The following SNX9 variants were observed in gnomAD, a reference collection of about 807,000 sequenced individuals.
The protein encoded by SNX9 is sorting nexin 9, also known as sorting nexin-9.
Under a neutral mutation model 89.4 loss-of-function variants are expected in SNX9, and 44 were observed. The ratio of observed to expected loss-of-function variants is 0.49; its 90% CI spans 0.39 to 0.63. SNX9 has a LOEUF of 0.63. SNX9 is among the 30% of genes least tolerant of loss of function. The probability of loss-of-function intolerance (pLI) is 0.00; values close to 1 mark genes in which losing one functional copy is unlikely to be tolerated. For synonymous variants in SNX9, 236 were observed against 247.8 expected (o/e 0.95, Z 0.45); for missense variants, 578 against 736.1 (o/e 0.79, Z 2.49).
chr6:157,834,161 T>TTTTTG (rs1781532102), intron 1 of SNX9, among the ~76,000 whole-genome samples: 1 of 99,542 alleles, frequency 1.0e-5, no homozygotes, highest in African/African-American at 4.7e-5. Context: ...TTTTTTTTTT[T>TTTTTG]TTTTTTTTTT....
At chr6:157,826,823 T>C (rs1334300323) in intron 1 of SNX9, among the ~76,000 whole-genome samples, 1 of 105,016 alleles carries the variant, frequency 9.5e-6, no homozygotes, top group African/African-American at 4.8e-5. Flanking sequence ...TAAATATATA[T>C]TATATTTTAT....
At chr6:157,921,359 T>G (rs1783577243) in intron 9 of SNX9, among the ~76,000 whole-genome samples, 172 bp from the exon 10 acceptor site, 1 of 152,228 alleles carries the variant, frequency 6.6e-6, no homozygotes, top group South Asian at 2.1e-4. Context: ...CTTTGAGCAT[T>G]CGTTGTGTTG....
Position 157,823,369 on chromosome 6 carries a change from G to A in SNX9, c.-66G>A. The A allele has an allele frequency of 7.9e-7, 1 of 1,263,358 alleles. No homozygotes were observed. The highest frequency in any genetic ancestry group is 1.9e-5 in the South Asian group (1 of 51,834). The allele number at this position is 1,263,358 out of a possible 1,614,324, so 78.3% of individuals were successfully genotyped here. On this transcript the variant is annotated 5_prime_UTR_variant, in exon 1 of 18. Transcript: ENST00000392185. The surrounding 1 kb of genome is among the most constrained non-coding windows in gnomAD (Gnocchi z 4.6). ...CCTCGCCCTTGCCTTTGCCTGCGCGGCTCAGAATCACCATCCGCGGCGCGG... is the reference window on the plus strand; with the variant it reads ...CCTCGCCCTTGCCTTTGCCTGCGCGACTCAGAATCACCATCCGCGGCGCGG...
rs1191289666 is a variant in SNX9, at chr6:157,823,760, G to A, written c.12+314G>A. ...GGGCTGCGGCGGGCTCGCCGGGAGG[G>A]GCCGCGGGACGGAAACTTCCCGCAG... is the stretch of plus-strand genomic sequence containing the variant. On this transcript the variant is annotated intron_variant, in intron 1 of 17. Coordinates refer to ENST00000392185, the MANE Select transcript of SNX9 (RefSeq NM_016224.5). The surrounding 1 kb of genome is among the most constrained non-coding windows in gnomAD (Gnocchi z 4.6). Among the ~76,000 whole-genome samples the A allele has an allele frequency of 2.0e-5, 3 of 152,016 alleles. No homozygotes were observed. The highest frequency in any genetic ancestry group is 6.5e-5 in the Admixed American group (1 of 15,268).
At position 157,942,806 on chromosome 6, in the gene SNX9, A is replaced by G; in HGVS notation, c.1756A>G (p.Arg586Gly). The change falls in exon 18 of 18, where the codon AGG becomes GGG. Residue 586 changes from arginine (R) to glycine (G), a missense_variant. Transcript: ENST00000392185. ...QFYETIAEKL[R>G]QALSRFPVM ...TTCTTGTCAGATTGCAGAAAAGCTG[A>G]GGCAGGCCCTCAGCCGCTTTCCAGT... 1.2e-6 allele frequency: 2 copies of G among 1,614,054 alleles called. No homozygotes were observed. Among genetic ancestry groups the G allele is most frequent in the South Asian group, 1.1e-5 (1 of 91,014 alleles).
chr6:157,911,081 C>T (rs1783332619), intron 9 of SNX9, among the ~76,000 whole-genome samples: 1 of 151,796 alleles, frequency 6.6e-6, no homozygotes, highest in South Asian at 2.1e-4. Context: ...CCACCGCACT[C>T]CAGCCCAGGC....
intron 12 of SNX9, among the ~76,000 whole-genome samples, chr6:157,929,959 T>C (rs536237303): frequency 1.0e-3 from 152 of 152,368 alleles, no homozygotes; most frequent in Non-Finnish European, 6.8e-4. Flanking sequence ...TAAAGTTTTA[T>C]TGGAACACAC....
intron 1 of SNX9, among the ~76,000 whole-genome samples, chr6:157,863,340 G>A (rs3805765): frequency 0.13 from 19,175 of 152,246 alleles, 1,964 homozygotes; most frequent in African/African-American, 0.28. Flanking sequence ...TCTAGTGTCT[G>A]GAGCATTGAA....
At chr6:157,828,097 C>A (rs1439145523) in intron 1 of SNX9, among the ~76,000 whole-genome samples, 1 of 152,102 alleles carries the variant, frequency 6.6e-6, no homozygotes. Context: ...ATAGAAATAT[C>A]TTTCTAACAG....
At chr6:157,934,937 T>C (rs2115213876) in intron 13 of SNX9, among the ~76,000 whole-genome samples, 2 of 152,258 alleles carry the variant, frequency 1.3e-5, no homozygotes, top group Admixed American at 1.3e-4. Flanking sequence ...AAGACTTAGA[T>C]ACCAATTGGA....
chr6:157,825,854 G>C (rs1255979543), intron 1 of SNX9, among the ~76,000 whole-genome samples: 1 of 152,094 alleles, frequency 6.6e-6, no homozygotes, highest in Non-Finnish European at 1.5e-5. Context: ...GAGTAGTTGT[G>C]TTTTTTCTTT....
At chr6:157,893,538 A>G (rs1416178794) in intron 4 of SNX9, among the ~76,000 whole-genome samples, 3 of 151,958 alleles carry the variant, frequency 2.0e-5, no homozygotes, top group African/African-American at 7.3e-5. Flanking sequence ...CTACAACATT[A>G]GGGGCTATAT....
intron 9 of SNX9, among the ~76,000 whole-genome samples, chr6:157,919,880 T>C (rs997742834): frequency 6.7e-6 from 1 of 149,706 alleles, no homozygotes; most frequent in African/African-American, 2.5e-5. Flanking sequence ...TTGTTGTTTC[T>C]GCTTTTTATT....
rs76347872 is a variant in SNX9 at position 157,926,946 on chromosome 6, G to A, written c.1081-165G>A. 5.8e-3 allele frequency among the ~76,000 whole-genome samples: 882 copies of A among 152,142 alleles called. 6 individuals are homozygous for A. Among genetic ancestry groups the A allele is most frequent in the Non-Finnish European group, 8.0e-3 (545 of 68,004 alleles). ...CTGTTCATGCCCTGAGATTACATTCGGAGTATAAAGGTATTTAGTCCATGG... is the reference window on the plus strand; with the variant it reads ...CTGTTCATGCCCTGAGATTACATTCAGAGTATAAAGGTATTTAGTCCATGG... On this transcript the variant is annotated intron_variant, in intron 10 of 17. Transcript: ENST00000392185.
At chr6:157,939,420 A>G (rs1401607674) in intron 16 of SNX9, among the ~76,000 whole-genome samples, 1 of 136,450 alleles carries the variant, frequency 7.3e-6, no homozygotes, top group Non-Finnish European at 1.6e-5. Flanking sequence ...AGCCATTAAA[A>G]GGGAGTAAAA....
chr6:157,904,296 C>T (rs1340340317), intron 6 of SNX9, among the ~76,000 whole-genome samples: 1 of 151,956 alleles, frequency 6.6e-6, no homozygotes, highest in Admixed American at 6.6e-5. Flanking sequence ...AGTAGCTGGG[C>T]GTGGTGGCAC....
intron 1 of SNX9, among the ~76,000 whole-genome samples, chr6:157,859,598 T>G (rs1233344033): frequency 1.3e-5 from 2 of 152,234 alleles, no homozygotes; most frequent in Non-Finnish European, 2.9e-5. Context: ...GTTACTTTCG[T>G]ATATAATACT....
At chr6:157,927,879 C>CT (rs1362891414) in intron 11 of SNX9, among the ~76,000 whole-genome samples, 18 of 151,634 alleles carry the variant, frequency 1.2e-4, no homozygotes, top group African/African-American at 4.1e-4. Context: ...TAATTTTAAG[C>CT]TTTGTTATCA....
chr6:157,938,375 G>A (rs1407544031), intron 15 of SNX9, among the ~76,000 whole-genome samples: 1 of 152,214 alleles, frequency 6.6e-6, no homozygotes, highest in African/African-American at 2.4e-5. Context: ...CAGAGATGGT[G>A]TGCTGTTTGC....
Sources: gnomAD v4.1 joint callset for allele counts (sites outside exome capture counted in the v4.1 genomes callset) on GRCh38, gnomAD v4.1.1 for gene constraint, Gnocchi (gnomAD v3.1) non-coding constraint, MANE v1.5 for transcripts, NCBI Gene and HGNC (gene_info 2026-07-23, HGNC 2026-07-21) for gene names.